Variants in CDC25C observed in about 807,000 individuals in gnomAD.
CDC25C encodes M-phase inducer phosphatase 3.
In CDC25C, 48 loss-of-function variants were observed where a neutral mutation model predicts 52.5. The ratio of observed to expected loss-of-function variants is 0.91; its 90% CI spans 0.72 to 1.16. The LOEUF is 1.16. Ranked by LOEUF, CDC25C falls within the 50% of genes most tolerant of loss-of-function variation. The pLI is 0.00. For missense variants in CDC25C, 510 were observed against 566.1 expected (o/e 0.90, Z 1.01); for synonymous variants, 187 against 206.5 (o/e 0.91, Z 0.81).
chr5:138,285,993 T>C (rs1031534626), intron 13 of CDC25C, 29 bp downstream of exon 13: 2 of 1,581,406 alleles, frequency 1.3e-6, no homozygotes, highest in Non-Finnish European at 1.7e-6. Flanking sequence ...GTTGTTAAAG[T>C]TTGGCTCCCC....
At chr5:138,310,544 T>A (rs1424272027) in intron 7 of CDC25C, among the ~76,000 whole-genome samples, 1 of 152,234 alleles carries the variant, frequency 6.6e-6, no homozygotes, top group Non-Finnish European at 1.5e-5. Context: ...TATACTACAA[T>A]AATTAAGCAC....
chr5:138,307,223 G>A (rs1182123868), intron 7 of CDC25C, among the ~76,000 whole-genome samples: 1 of 151,852 alleles, frequency 6.6e-6, no homozygotes, highest in Non-Finnish European at 1.5e-5. Flanking sequence ...TGACTTTATG[G>A]CCATGCATGG....
chr5:138,336,562 T>C (rs1760718766), upstream of CDC25C, among the ~76,000 whole-genome samples: 1 of 152,168 alleles, frequency 6.6e-6, no homozygotes, highest in Non-Finnish European at 1.5e-5. Context: ...GGCACACCCC[T>C]GTAGTTCTAG....
intron 7 of CDC25C, among the ~76,000 whole-genome samples, chr5:138,296,941 C>T (rs1249314471): frequency 4.2e-5 from 5 of 118,984 alleles, no homozygotes; most frequent in Non-Finnish European, 6.9e-5. Flanking sequence ...GACACAGTCT[C>T]GCTCTGTCAC....
At chr5:138,334,982 T>C (rs1271880243), upstream of CDC25C, 2 of 152,386 alleles carry the variant, frequency 1.3e-5, no homozygotes, top group East Asian at 3.9e-4. Context: ...ATTGATCCTA[T>C]GTCATCCTTG....
intron 6 of CDC25C, among the ~76,000 whole-genome samples, chr5:138,323,444 T>C (rs1235033955): frequency 2.6e-5 from 4 of 151,956 alleles, no homozygotes; most frequent in Admixed American, 2.0e-4. Context: ...ACTACAGGCA[T>C]GCACCACCAA....
At chr5:138,323,302 A>G (rs545520502) in intron 6 of CDC25C, among the ~76,000 whole-genome samples, 2 of 152,166 alleles carry the variant, frequency 1.3e-5, no homozygotes, top group Admixed American at 6.5e-5. Flanking sequence ...TTTATTTGAG[A>G]CTGAGTCTCC....
At chr5:138,321,949 G>A (rs963294279) in intron 6 of CDC25C, among the ~76,000 whole-genome samples, 13 of 151,980 alleles carry the variant, frequency 8.6e-5, no homozygotes, top group Non-Finnish European at 1.3e-4. Context: ...AAAGACACTA[G>A]AGAAATTACG....
At chr5:138,307,505 A>AAG (rs893087186) in intron 7 of CDC25C, among the ~76,000 whole-genome samples, 17 of 151,442 alleles carry the variant, frequency 1.1e-4, no homozygotes, top group South Asian at 4.2e-4. Context: ...AAAAAAAAAA[A>AAG]AAAAAAGAAA....
chr5:138,313,997 T>TTCTTTCTTTCTTTC, intron 7 of CDC25C, among the ~76,000 whole-genome samples: 1 of 112,628 alleles, frequency 8.9e-6, no homozygotes, highest in South Asian at 2.6e-4. Context: ...CTTTCTTTCT[T>TTCTTTCTTTCTTTC]TTTTTTTTTT....
Position 138,285,741 on chromosome 5 carries a change from C to T in CDC25C, c.1373G>A (p.Arg458Gln), listed in dbSNP as rs561007663. The T allele has an allele frequency of 1.3e-5, 21 of 1,614,202 alleles. No individual in the cohort carries two copies. The highest frequency in any genetic ancestry group is 4.4e-5 in the South Asian group (4 of 91,090). Reference protein sequence around the residue: ...RSQSKVQEGERQLREQIALLV... With the variant: ...RSQSKVQEGEQQLREQIALLV... ...AAGGGCAATCTGCTCCCGCAGCTGC[C>T]GCTCCCCTTCCTGCACTTTGCTCTG... is the stretch of plus-strand genomic sequence containing the variant. The change falls in exon 14 of 14, where the codon CGG becomes CAG. Residue 458 changes from arginine to glutamine, a missense_variant. Transcript: ENST00000323760.
intron 1 of CDC25C, 81 bp from the exon 2 acceptor site, chr5:138,331,299 G>A (rs1309928952): frequency 9.1e-6 from 9 of 989,072 alleles, no homozygotes; most frequent in Non-Finnish European, 1.4e-5. Flanking sequence ...CCAGCCAGGC[G>A]AATCAACACT....
intron 7 of CDC25C, among the ~76,000 whole-genome samples, chr5:138,317,270 G>A (rs1210411463): frequency 6.6e-6 from 1 of 151,854 alleles, no homozygotes; most frequent in East Asian, 1.9e-4. Flanking sequence ...AAAAGCATGA[G>A]GACTAGAATG....
chr5:138,337,521 A>C (rs1277932771), intron 1 of CDC25C: 1 of 184,206 alleles, frequency 5.4e-6, no homozygotes, highest in East Asian at 1.8e-4. Context: ...TCATAATCAC[A>C]ATCCCATTAC....
chr5:138,290,267 C>A (rs1756595091), intron 9 of CDC25C, among the ~76,000 whole-genome samples: 1 of 151,994 alleles, frequency 6.6e-6, no homozygotes, highest in South Asian at 2.1e-4. Flanking sequence ...TGCAATTACA[C>A]AGACAGTAGG....
chr5:138,329,460 T>C (rs1195564632), intron 3 of CDC25C, 93 bp downstream of exon 3: 6 of 831,688 alleles, frequency 7.2e-6, no homozygotes, highest in African/African-American at 3.5e-5. Context: ...ATTCTTTTTA[T>C]ACTTTCACCA....
At chr5:138,326,373 A>T (rs930074786) in intron 4 of CDC25C, among the ~76,000 whole-genome samples, 1 of 151,848 alleles carries the variant, frequency 6.6e-6, no homozygotes. Context: ...TTGAGACGGA[A>T]TCTGGCTCTG....
chr5:138,329,095 G>T (rs11567964), intron 3 of CDC25C, among the ~76,000 whole-genome samples: 1 of 152,034 alleles, frequency 6.6e-6, no homozygotes, highest in African/African-American at 2.4e-5. Context: ...AGTAGAGATG[G>T]GGTTTCACCA....
intron 10 of CDC25C, among the ~76,000 whole-genome samples, chr5:138,287,531 T>C (rs757198697): frequency 6.6e-6 from 1 of 152,194 alleles, no homozygotes; most frequent in African/African-American, 2.4e-5. Context: ...CATCTGGGGA[T>C]AGGCATGGCT....
Sources: allele counts gnomAD v4.1 joint callset (sites outside exome capture counted in the v4.1 genomes callset), GRCh38; gene constraint gnomAD v4.1.1; transcripts MANE v1.5; gene names NCBI Gene and HGNC (gene_info 2026-07-23, HGNC 2026-07-21).